GALNT5: variants seen among roughly 807,000 people sequenced by gnomAD.
GALNT5 encodes polypeptide N-acetylgalactosaminyltransferase 5.
In GALNT5, 72 loss-of-function variants were observed where a neutral mutation model predicts 85.4. The ratio of observed to expected loss-of-function variants is 0.84; its 90% CI spans 0.70 to 1.03. The LOEUF (loss-of-function observed/expected upper bound fraction) is 1.03, where lower values mean the gene tolerates loss of function less well. Ranked by LOEUF, GALNT5 falls within the 50% of genes least tolerant of loss-of-function variation. The pLI, the probability that GALNT5 is intolerant of heterozygous loss-of-function variation, is 0.00. For missense variants in GALNT5, 1,137 were observed against 1,135.5 expected, an observed-to-expected ratio of 1.00 and a Z score of -0.02; for synonymous variants, 404 against 397.0, an observed-to-expected ratio of 1.02 and a Z score of -0.21.
chr2:157,296,438 C>T lies in GALNT5; in HGVS notation c.1922C>T (p.Pro641Leu). ...TTTCAAAGAGGCATCTTTGTGTGGC[C>T]CATGAACTTTGGTTGGAGAACAATT... ...DNFQRGIFVW[P>L]MNFGWRTIPP... Residue 641 changes from proline (P) to leucine (L), a missense_variant, in exon 5 of 10, where the codon CCC (proline) becomes CTC (leucine). Physicochemically the swap from Pro to Leu is moderately conservative, Grantham distance 98 (BLOSUM62 -3). Transcript: ENST00000259056. 6.2e-7 allele frequency: 1 copy of T among 1,608,246 alleles called. No individual in the cohort carries two copies.
intron 4 of GALNT5, 85 bp from the exon 5 acceptor site, chr2:157,296,309 G>T: frequency 9.7e-7 from 1 of 1,030,440 alleles, no homozygotes; most frequent in South Asian, 1.4e-5. Context: ...TCATTCATTT[G>T]ATTACATCGT....
intron 5 of GALNT5, chr2:157,298,928 C>T (rs934161357): frequency 1.5e-5 from 2 of 131,586 alleles, no homozygotes; most frequent in Non-Finnish European, 3.2e-5. Context: ...TACTCATATA[C>T]CCTTGACGGA....
Position 157,315,453 on chromosome 2 carries a change from C to A in GALNT5, c.*4105C>A, listed in dbSNP as rs908188501. 6.6e-6 allele frequency among the ~76,000 whole-genome samples: 1 copy of A among 152,214 alleles called. No individual in the cohort carries two copies. The highest frequency in any genetic ancestry group is 2.4e-5 in the African/African-American group (1 of 41,450). The stretch of plus-strand genomic sequence containing the variant: ...TTTCTTCTTTACAAAGGGCTGTCAT[C>A]TCAGGTGGGTGCATTTAAAAGTTTC... On this transcript the variant is annotated 3_prime_UTR_variant, in exon 10 of 10. Transcript: ENST00000259056.
Position 157,314,498 on chromosome 2 carries a change from G to A in GALNT5, c.*3150G>A, listed in dbSNP as rs1308762365. Among the ~76,000 whole-genome samples, 2 of 152,118 alleles carry A rather than the reference G, an allele frequency of 1.3e-5. No individual in the cohort carries two copies. The highest frequency in any genetic ancestry group is 2.4e-5 in the African/African-American group (1 of 41,406). On this transcript the variant is annotated 3_prime_UTR_variant, in exon 10 of 10. Transcript: ENST00000259056. ...GCTGTCATTCACAGCAAACCACCAT[G>A]TGCCATGATCACAATGTATTATTAG...
At chr2:157,295,534 GAA>G (rs57727429) in intron 3 of GALNT5, 127 bp from the exon 4 acceptor site, 13,792 of 476,750 alleles carry the variant, frequency 0.029, no homozygotes, top group South Asian at 0.044. Flanking sequence ...CACGAATTCA[GAA>G]AAAAAAAAAA....
chr2:157,269,352 C>A (rs1444874915), intron 1 of GALNT5, among the ~76,000 whole-genome samples: 1 of 152,120 alleles, frequency 6.6e-6, no homozygotes, highest in East Asian at 1.9e-4. Flanking sequence ...CAAGGCACAC[C>A]CTGAAACTTT....
rs772768528 is a variant in GALNT5 at position 157,259,524 on chromosome 2, C to G, written c.1442C>G (p.Thr481Ser). 4 of 1,349,276 alleles carry G rather than the reference C, an allele frequency of 3.0e-6. No individual in the cohort carries two copies. The highest frequency in any genetic ancestry group is 2.9e-6 in the Non-Finnish European group (3 of 1,041,198). 83.6% of individuals were successfully genotyped at this position (1,349,276 alleles called of 1,614,324 possible). A position where few individuals can be genotyped will look rare whatever the true frequency, so the allele number is the denominator to read the frequency against. The change falls in exon 1 of 10, where the codon ACC becomes AGC. Residue 481 changes from threonine to serine, a missense_variant. Physicochemically the swap from Thr to Ser is moderately conservative, Grantham distance 58. Transcript: ENST00000259056. The part of the protein sequence containing the change: ...LIPVDRAIED[T>S]RPAGCAEQLV... ...CCAGTGGATAGAGCCATTGAAGACA[C>G]CAGACCTGCTGGGTAAGACCTATTT...
intron 1 of GALNT5, among the ~76,000 whole-genome samples, chr2:157,264,288 T>C (rs1410948161): frequency 6.6e-6 from 1 of 152,162 alleles, no homozygotes; most frequent in Admixed American, 6.5e-5. Flanking sequence ...AAGCTATAGT[T>C]AAGATGGAAC....
In GALNT5 at chr2:157,311,347, G is replaced by T. The variant is rs758193464; in HGVS notation, c.2822G>T (p.Ter941LeuextTer8). Residue 941 changes from the stop codon to leucine, a stop_lost, in exon 10 of 10, where the codon TGA becomes TTA. Transcript: ENST00000259056. ...KWKFEKYYEA* is the reference protein window; with the variant it reads ...KWKFEKYYEAL ...AAATTTGAAAAATATTATGAAGCCT[G>T]AAGTGTAACTGATGTTTTTATATAG... 3 of 1,591,134 alleles carry T rather than the reference G, an allele frequency of 1.9e-6. No individual in the cohort carries two copies. In the Admixed American group the frequency reaches 5.2e-5, roughly 28 times the overall value.
At chr2:157,260,746 C>T (rs1682318793) in intron 1 of GALNT5, among the ~76,000 whole-genome samples, 1 of 152,204 alleles carries the variant, frequency 6.6e-6, no homozygotes, top group Non-Finnish European at 1.5e-5. Context: ...GCTTTATCCA[C>T]ATTAGAAAGA....
intron 1 of GALNT5, among the ~76,000 whole-genome samples, chr2:157,278,381 TCTC>T (rs1682785260): frequency 6.6e-6 from 1 of 152,232 alleles, no homozygotes; most frequent in Non-Finnish European, 1.5e-5. Flanking sequence ...TTGGGGACAT[TCTC>T]CTGGATAATA....
At chr2:157,282,790 T>G (rs954791969) in intron 1 of GALNT5, among the ~76,000 whole-genome samples, 2 of 152,210 alleles carry the variant, frequency 1.3e-5, no homozygotes, top group Non-Finnish European at 2.9e-5. Flanking sequence ...TTATATATCC[T>G]ATCTAGGTGG....
Position 157,314,001 on chromosome 2 carries a change from A to C in GALNT5, c.*2653A>C, listed in dbSNP as rs1467344500. On this transcript the variant is annotated 3_prime_UTR_variant, in exon 10 of 10. Coordinates refer to ENST00000259056, the MANE Select transcript of GALNT5 (RefSeq NM_014568.3). ...CTTGAGTGTATTGATTTATTATTAC[A>C]TCTACTACCAACATTTTCTTAAGCA... 6.6e-6 allele frequency: 1 copy of C among 152,144 alleles called. No individual in the cohort carries two copies. Among genetic ancestry groups the C allele is most frequent in the Non-Finnish European group, 1.5e-5 (1 of 68,032 alleles). 9.4% of individuals were successfully genotyped at this position (152,144 alleles called of 1,614,324 possible). A position where few individuals can be genotyped will look rare whatever the true frequency, so the allele number is the denominator to read the frequency against.
intron 1 of GALNT5, among the ~76,000 whole-genome samples, chr2:157,271,688 A>T (rs1055090013): frequency 1.3e-5 from 2 of 152,074 alleles, no homozygotes; most frequent in Non-Finnish European, 2.9e-5. Context: ...AATGCAGAGG[A>T]GCTGGTTGGG....
At chr2:157,301,508 TA>T (rs1574033181) in intron 7 of GALNT5, 1 of 168,034 alleles carries the variant, frequency 6.0e-6, no homozygotes, top group Non-Finnish European at 1.3e-5. Flanking sequence ...AGGCAGAGGG[TA>T]AAGGTCACGT....
At chr2:157,287,359 A>G (rs1489713809) in intron 3 of GALNT5, among the ~76,000 whole-genome samples, 1 of 152,072 alleles carries the variant, frequency 6.6e-6, no homozygotes, top group Non-Finnish European at 1.5e-5. Flanking sequence ...ATTCATGTGT[A>G]AGGAGAAAAT....
chr2:157,275,122 G>A (rs374632802), intron 1 of GALNT5, among the ~76,000 whole-genome samples: 52 of 152,164 alleles, frequency 3.4e-4, no homozygotes, highest in African/African-American at 1.1e-3. Context: ...CAGGTTTGTC[G>A]AAGATCAGAT....
rs375389648 is a variant in GALNT5, at chr2:157,282,669, G to A, written c.1455-1613G>A. 5.3e-5 allele frequency among the ~76,000 whole-genome samples: 8 copies of A among 152,190 alleles called. No homozygotes were observed. The East Asian group carries it at 1.4e-3, about 26-fold the overall frequency. On this transcript the variant is annotated intron_variant, in intron 1 of 9. Transcript: ENST00000259056. ...TGAGGTTCAAAGAAGTAGTAAAGCT[G>A]TTCCAAATCAGTAATTAGAAAAACT...
At position 157,308,614 on chromosome 2, in the gene GALNT5, A is replaced by G; in HGVS notation, c.2568A>G (p.Glu856=). ...YTWLRLIKCG[E]WCIAPIPDKG... ...GGTTAAGACTTATTAAATGTGGAGA[A>G]TGGTGTATAGCCCCCATCCCTGATA... The change falls in exon 9 of 10, where the codon GAA becomes GAG. Residue 856 remains glutamate (E), a synonymous_variant. Transcript: ENST00000259056. The G allele has an allele frequency of 5.6e-6, 9 of 1,613,506 alleles. No homozygotes were observed. Among genetic ancestry groups the G allele is most frequent in the Non-Finnish European group, 7.6e-6 (9 of 1,179,598 alleles).
Sources: allele counts gnomAD v4.1 joint callset (sites outside exome capture counted in the v4.1 genomes callset), GRCh38; gene constraint gnomAD v4.1.1; transcripts MANE v1.5; gene names NCBI Gene and HGNC (gene_info 2026-07-23, HGNC 2026-07-21).